The following CNBD1 variants were observed in gnomAD, a reference collection of about 807,000 sequenced individuals.
The protein encoded by CNBD1 is cyclic nucleotide-binding domain-containing protein 1.
CNBD1 carries 71 observed loss-of-function variants against 54.4 expected under a neutral mutation model. The ratio of observed to expected loss-of-function variants is 1.30; its 90% CI spans 1.08 to 1.59. The LOEUF (loss-of-function observed/expected upper bound fraction) is 1.59, where lower values mean the gene tolerates loss of function less well. Among genes scored for constraint, CNBD1 ranks in the 40% most tolerant of loss-of-function variants. The probability of loss-of-function intolerance (pLI) is 0.00; values close to 1 mark genes in which losing one functional copy is unlikely to be tolerated. For missense variants in CNBD1, 659 were observed against 518.0 expected, an observed-to-expected ratio of 1.27 and a Z score of -2.64; for synonymous variants, 182 against 170.7, an observed-to-expected ratio of 1.07 and a Z score of -0.51.
intron 10 of CNBD1, among the ~76,000 whole-genome samples, chr8:87,359,438 T>C (rs1810486356): frequency 1.3e-5 from 2 of 152,120 alleles, no homozygotes; most frequent in African/African-American, 2.4e-5. Flanking sequence ...TACAAGGAAA[T>C]AAAATATTGT....
chr8:87,329,289 C>T (rs1483132213), intron 8 of CNBD1, among the ~76,000 whole-genome samples: 2 of 152,062 alleles, frequency 1.3e-5, no homozygotes, highest in African/African-American at 2.4e-5. Context: ...GTTAATATCA[C>T]ATTGTCTTGA....
intron 4 of CNBD1, among the ~76,000 whole-genome samples, chr8:86,962,785 C>G (rs1443299773): frequency 6.9e-6 from 1 of 144,894 alleles, no homozygotes; most frequent in Non-Finnish European, 1.5e-5. Context: ...GACTCCATCT[C>G]AAAAAAAACA....
At chr8:87,411,808 C>T (rs377175350) in intron 2 of CNBD1, among the ~76,000 whole-genome samples, 4 of 151,500 alleles carry the variant, frequency 2.6e-5, no homozygotes, top group African/African-American at 9.7e-5. Context: ...ATGATAAATG[C>T]CATCTTAGTG....
At chr8:87,275,367 G>T (rs1218454865) in intron 6 of CNBD1, among the ~76,000 whole-genome samples, 1 of 151,684 alleles carries the variant, frequency 6.6e-6, no homozygotes, top group Admixed American at 6.6e-5. Context: ...ACCTTGGGCA[G>T]TATGGCCATT....
intron 4 of CNBD1, among the ~76,000 whole-genome samples, chr8:87,175,983 C>A (rs1032486367): frequency 1.2e-4 from 18 of 152,178 alleles, no homozygotes. Context: ...CCAGTTTTGT[C>A]TTCTGCTGTG....
intron 4 of CNBD1, among the ~76,000 whole-genome samples, chr8:87,128,902 T>C (rs923365142): frequency 7.0e-6 from 1 of 142,542 alleles, no homozygotes; most frequent in Non-Finnish European, 1.5e-5. Flanking sequence ...GCCAACATGG[T>C]GAAACCCCGT....
intron 4 of CNBD1, among the ~76,000 whole-genome samples, chr8:87,158,329 G>A (rs140930464): frequency 1.3e-5 from 2 of 152,242 alleles, no homozygotes; most frequent in Non-Finnish European, 2.9e-5. Flanking sequence ...ACTACATAAA[G>A]CTCTTAGAAC....
chr8:87,221,419 TC>T (rs970304638), intron 5 of CNBD1, among the ~76,000 whole-genome samples: 1 of 152,140 alleles, frequency 6.6e-6, no homozygotes, highest in African/African-American at 2.4e-5. Flanking sequence ...TTGATTGAAG[TC>T]CATCAAGTAC....
chr8:87,374,174 A>G (rs1810878037), intron 10 of CNBD1, among the ~76,000 whole-genome samples: 1 of 151,790 alleles, frequency 6.6e-6, no homozygotes, highest in Non-Finnish European at 1.5e-5. Context: ...GCTCTTTCCA[A>G]TATATAGCAT....
At chr8:87,172,165 A>G (rs1813102762) in intron 4 of CNBD1, among the ~76,000 whole-genome samples, 1 of 151,960 alleles carries the variant, frequency 6.6e-6, no homozygotes, top group Non-Finnish European at 1.5e-5. Context: ...AACAAGAAGA[A>G]TTCTTGTTAA....
chr8:87,053,180 G>C lies in CNBD1; in HGVS notation c.431+113426G>C, dbSNP rs113315415. ...AATTGTGCAATGCTTACAAAGATTTGGGTTGTGTCGCAGGACAAAGAAAGC... is the reference window on the plus strand; with the variant it reads ...AATTGTGCAATGCTTACAAAGATTTCGGTTGTGTCGCAGGACAAAGAAAGC... On this transcript the variant is annotated intron_variant, in intron 4 of 10. Transcript: ENST00000518476. Among the ~76,000 whole-genome samples the C allele has an allele frequency of 9.0e-3, 1,368 of 152,262 alleles. 17 individuals are homozygous for C. The highest frequency in any genetic ancestry group is 0.03 in the African/African-American group (1,264 of 41,552).
At chr8:87,258,234 A>G (rs533461886) in intron 6 of CNBD1, among the ~76,000 whole-genome samples, 1 of 152,220 alleles carries the variant, frequency 6.6e-6, no homozygotes, top group Non-Finnish European at 1.5e-5. Context: ...ATTGTAAACT[A>G]GAATTCCAGG....
intron 4 of CNBD1, among the ~76,000 whole-genome samples, chr8:87,134,889 G>A (rs754152394): frequency 7.9e-5 from 12 of 151,926 alleles, no homozygotes; most frequent in Non-Finnish European, 1.6e-4. Flanking sequence ...GATTACAGGC[G>A]TGAGCCACCA....
chr8:87,286,838 A>T (rs1000796124), intron 8 of CNBD1, among the ~76,000 whole-genome samples, 167 bp downstream of exon 8: 1 of 152,082 alleles, frequency 6.6e-6, no homozygotes, highest in Admixed American at 6.6e-5. Context: ...CCTGCTTTTT[A>T]TTAAAAATGA....
chr8:87,130,650 C>T (rs1812098714), intron 4 of CNBD1, among the ~76,000 whole-genome samples: 1 of 151,768 alleles, frequency 6.6e-6, no homozygotes, highest in South Asian at 2.1e-4. Context: ...TGGTGGTAGG[C>T]ACCTGTTTCC....
At chr8:87,147,192 T>A (rs1812507363) in intron 4 of CNBD1, among the ~76,000 whole-genome samples, 1 of 152,152 alleles carries the variant, frequency 6.6e-6, no homozygotes, top group Non-Finnish European at 1.5e-5. Flanking sequence ...CTGTACTAAA[T>A]GCCTTATTTT....
At chr8:87,408,614 A>G (rs575955382) in intron 2 of CNBD1, among the ~76,000 whole-genome samples, 15 of 152,170 alleles carry the variant, frequency 9.9e-5, no homozygotes, top group African/African-American at 3.6e-4. Context: ...ATCGTGCTTC[A>G]TTATATCATG....
intron 9 of CNBD1, among the ~76,000 whole-genome samples, chr8:87,352,235 C>A (rs937036905): frequency 6.6e-6 from 1 of 152,064 alleles, no homozygotes; most frequent in Non-Finnish European, 1.5e-5. Flanking sequence ...AATCCCAGCA[C>A]TTTGAGAGGC....
At chr8:87,293,043 C>T (rs969499137) in intron 8 of CNBD1, among the ~76,000 whole-genome samples, 2 of 152,076 alleles carry the variant, frequency 1.3e-5, no homozygotes, top group Admixed American at 6.6e-5. Context: ...GCTGTCTGTA[C>T]CTAGGAACAA....
Sources: gnomAD v4.1 joint callset for allele counts (sites outside exome capture counted in the v4.1 genomes callset) on GRCh38, gnomAD v4.1.1 for gene constraint, MANE v1.5 for transcripts, NCBI Gene and HGNC (gene_info 2026-07-23, HGNC 2026-07-21) for gene names.